The following PDE4D variants were observed in gnomAD, a reference collection of about 807,000 sequenced individuals.
The protein encoded by PDE4D is phosphodiesterase 4D.
Under a neutral mutation model 87.4 loss-of-function variants are expected in PDE4D, and 24 were observed. The ratio of observed to expected loss-of-function variants is 0.27; its 90% CI spans 0.20 to 0.39. PDE4D has a LOEUF of 0.39. Among genes scored for constraint, PDE4D ranks in the 10% least tolerant of loss-of-function variants. The pLI is 1.00. For synonymous variants in PDE4D, 384 were observed against 383.2 expected (o/e 1.00, Z -0.02); for missense variants, 714 against 1,041.0 (o/e 0.69, Z 4.32).
At position 60,442,256 on chromosome 5, in the gene PDE4D, G is replaced by A. The variant is rs145640413; in HGVS notation, c.-90+45686C>T. ...ACATATATACCATGGAATACTATGC[G>A]GTCATAAAAAAGGATGAGTTCATGT... On this transcript the variant is annotated intron_variant, in intron 1 of 16. Transcript: ENST00000502484. 1.1e-3 allele frequency among the ~76,000 whole-genome samples: 169 copies of A among 152,170 alleles called. 2 individuals are homozygous for A. The highest frequency in any genetic ancestry group is 3.8e-3 in the African/African-American group (157 of 41,532).
intron 6 of PDE4D, among the ~76,000 whole-genome samples, chr5:59,016,969 A>T (rs141721611): frequency 6.6e-6 from 1 of 152,234 alleles, no homozygotes; most frequent in Non-Finnish European, 1.5e-5. Context: ...TTGATGGGGG[A>T]CTATAAAATT....
At chr5:59,181,237 A>C (rs182505483) in intron 4 of PDE4D, among the ~76,000 whole-genome samples, 3 of 152,090 alleles carry the variant, frequency 2.0e-5, no homozygotes, top group African/African-American at 4.8e-5. Context: ...AGCCAAAGGT[A>C]CTTAAATAAA....
chr5:59,974,590 C>T (rs1167432389), intron 3 of PDE4D, among the ~76,000 whole-genome samples: 10 of 152,126 alleles, frequency 6.6e-5, no homozygotes, highest in African/African-American at 2.4e-4. Context: ...CTAGGACAAA[C>T]GTTATGGTCT....
intron 1 of PDE4D, among the ~76,000 whole-genome samples, chr5:59,304,931 C>G (rs1771024528): frequency 6.6e-6 from 1 of 152,032 alleles, no homozygotes; most frequent in Non-Finnish European, 1.5e-5. Flanking sequence ...AGGGAAGGTT[C>G]CTTCTTTCTC....
intron 3 of PDE4D, among the ~76,000 whole-genome samples, chr5:59,958,008 A>G (rs1252107132): frequency 1.3e-5 from 2 of 152,180 alleles, no homozygotes; most frequent in African/African-American, 4.8e-5. Flanking sequence ...GTACATTTAA[A>G]TAGACAAATT....
chr5:60,134,051 T>C (rs1199515344), intron 2 of PDE4D, among the ~76,000 whole-genome samples: 1 of 152,248 alleles, frequency 6.6e-6, no homozygotes, highest in East Asian at 1.9e-4. Flanking sequence ...AAATTAAGTA[T>C]GTTAGATATG....
intron 1 of PDE4D, among the ~76,000 whole-genome samples, chr5:59,435,401 C>A (rs1465373336): frequency 6.6e-6 from 1 of 152,182 alleles, no homozygotes; most frequent in African/African-American, 2.4e-5. Context: ...TTGGTAGTGT[C>A]TTTCCTGTAC....
chr5:60,320,277 G>A (rs1353721361), intron 1 of PDE4D, among the ~76,000 whole-genome samples: 1 of 152,270 alleles, frequency 6.6e-6, no homozygotes, highest in Non-Finnish European at 1.5e-5. Flanking sequence ...AGGACCCTCT[G>A]AGCCATGCAC....
intron 1 of PDE4D, among the ~76,000 whole-genome samples, chr5:60,257,872 G>A (rs995345473): frequency 6.6e-6 from 1 of 151,926 alleles, no homozygotes; most frequent in Non-Finnish European, 1.5e-5. Flanking sequence ...TCACAGACAA[G>A]CTGTTATCAA....
chr5:60,339,494 G>C (rs1294142998), intron 1 of PDE4D, among the ~76,000 whole-genome samples: 2 of 152,094 alleles, frequency 1.3e-5, no homozygotes, highest in Admixed American at 1.3e-4. Context: ...CTTACGAATT[G>C]TGTATCTCTT....
intron 1 of PDE4D, among the ~76,000 whole-genome samples, chr5:60,346,370 G>A (rs1284362061): frequency 1.3e-5 from 2 of 152,068 alleles, no homozygotes; most frequent in African/African-American, 4.8e-5. Context: ...AAAGCAATAG[G>A]CAGAAAGGAA....
intron 2 of PDE4D, among the ~76,000 whole-genome samples, chr5:59,207,582 A>T (rs1749081418): frequency 6.6e-6 from 1 of 152,140 alleles, no homozygotes; most frequent in Non-Finnish European, 1.5e-5. Context: ...GCACTGAAAA[A>T]TAGGCTAATC....
chr5:59,529,649 C>A (rs998676926), intron 1 of PDE4D, among the ~76,000 whole-genome samples: 1 of 152,146 alleles, frequency 6.6e-6, no homozygotes, highest in Non-Finnish European at 1.5e-5. Context: ...AATTAAACTT[C>A]TATCCTCTTC....
At chr5:59,047,325 G>A (rs1760865379) in intron 5 of PDE4D, among the ~76,000 whole-genome samples, 1 of 152,194 alleles carries the variant, frequency 6.6e-6, no homozygotes, top group Non-Finnish European at 1.5e-5. Context: ...AGTTCACTTA[G>A]AGAACACAGG....
intron 3 of PDE4D, among the ~76,000 whole-genome samples, chr5:59,947,075 T>G (rs1757796555): frequency 1.3e-5 from 2 of 152,252 alleles, no homozygotes; most frequent in Admixed American, 6.5e-5. Context: ...TAGGAAATTC[T>G]ATTTGTTGCC....
At chr5:60,240,141 T>TAGGCAAAGCAAA in intron 1 of PDE4D, among the ~76,000 whole-genome samples, 1 of 152,124 alleles carries the variant, frequency 6.6e-6, no homozygotes, top group Non-Finnish European at 1.5e-5. Context: ...CATTTTTCTT[T>TAGGCAAAGCAAA]TATTATACTT....
intron 2 of PDE4D, among the ~76,000 whole-genome samples, chr5:59,990,637 A>T (rs1196817728): frequency 6.6e-6 from 1 of 152,230 alleles, no homozygotes; most frequent in East Asian, 1.9e-4. Flanking sequence ...TGCTTTATAA[A>T]ACATCAATAA....
intron 1 of PDE4D, among the ~76,000 whole-genome samples, chr5:59,653,994 C>T (rs1743955453): frequency 6.6e-6 from 1 of 151,652 alleles, no homozygotes; most frequent in Non-Finnish European, 1.5e-5. Flanking sequence ...TCCCTTAAGC[C>T]CAGGAGTTCA....
intron 1 of PDE4D, among the ~76,000 whole-genome samples, chr5:59,273,496 A>G (rs1160338079): frequency 6.6e-6 from 1 of 152,158 alleles, no homozygotes; most frequent in Non-Finnish European, 1.5e-5. Context: ...CAAAACTGTT[A>G]CTACAGCTGA....
Sources: allele counts gnomAD v4.1 joint callset (sites outside exome capture counted in the v4.1 genomes callset), GRCh38; gene constraint gnomAD v4.1.1; transcripts MANE v1.5; gene names NCBI Gene and HGNC (gene_info 2026-07-23, HGNC 2026-07-21).